NRG4: variants seen among roughly 807,000 people sequenced by gnomAD.
NRG4 encodes pro-neuregulin-4, membrane-bound isoform.
In NRG4, 10 loss-of-function variants were observed where a neutral mutation model predicts 15.0. The ratio of observed to expected loss-of-function variants is 0.67; its 90% CI spans 0.41 to 1.13. NRG4 has a LOEUF of 1.13. Among genes scored for constraint, NRG4 ranks in the 50% most tolerant of loss-of-function variants. The probability of loss-of-function intolerance (pLI) is 0.00; values close to 1 mark genes in which losing one functional copy is unlikely to be tolerated. For synonymous variants in NRG4, 41 were observed against 50.1 expected (o/e 0.82, Z 0.77); for missense variants, 139 against 140.2 (o/e 0.99, Z 0.04).
chr15:75,983,323 TC>T (rs1473206962), intron 3 of NRG4, among the ~76,000 whole-genome samples: 8 of 152,152 alleles, frequency 5.3e-5, no homozygotes, highest in African/African-American at 1.9e-4. Flanking sequence ...ATAAAAACCC[TC>T]AATAAAATAG....
intron 3 of NRG4, among the ~76,000 whole-genome samples, chr15:75,974,189 T>C (rs2033251143): frequency 6.6e-6 from 1 of 152,244 alleles, no homozygotes; most frequent in South Asian, 2.1e-4. Flanking sequence ...TGTTAGTTTG[T>C]ATTTCTGTGG....
intron 3 of NRG4, among the ~76,000 whole-genome samples, chr15:75,966,523 G>GA (rs1293751063): frequency 6.6e-6 from 1 of 152,118 alleles, no homozygotes; most frequent in Non-Finnish European, 1.5e-5. Flanking sequence ...ATTATAACTA[G>GA]AAAAGGTTAA....
At chr15:75,983,190 C>T (rs1369372571) in intron 3 of NRG4, among the ~76,000 whole-genome samples, 2 of 151,732 alleles carry the variant, frequency 1.3e-5, no homozygotes, top group Admixed American at 6.6e-5. Flanking sequence ...AGAATCAAGC[C>T]GCTAATATAA....
chr15:76,047,263 C>T (rs1333629626), intron 4 of NRG4, among the ~76,000 whole-genome samples: 1 of 150,742 alleles, frequency 6.6e-6, no homozygotes, highest in African/African-American at 2.5e-5. Context: ...CCAGCAATTC[C>T]ACTATGGAGT....
chr15:75,943,388 A>T lies in NRG4; in HGVS notation c.*250T>A. The T allele has an allele frequency of 2.2e-6, 1 of 453,214 alleles. No individual in the cohort carries two copies. Among genetic ancestry groups the T allele is most frequent in the Non-Finnish European group, 3.9e-6 (1 of 257,104 alleles). The allele number at this position is 453,214 out of a possible 1,614,324, so 28.1% of individuals were successfully genotyped here. ...TTCAGCACATCAGCTTTCTGGGGAG[A>T]GTCATGTTGAACCAATGTGACTTCG... On this transcript the variant is annotated 3_prime_UTR_variant, in exon 6 of 6. Coordinates refer to ENST00000394907, the MANE Select transcript of NRG4 (RefSeq NM_138573.4).
At chr15:75,958,504 AT>A (rs1199998191) in intron 4 of NRG4, among the ~76,000 whole-genome samples, 2 of 152,176 alleles carry the variant, frequency 1.3e-5, no homozygotes. Context: ...AAGGTAAAGG[AT>A]AAAAGTAGGC....
downstream of NRG4, chr15:75,935,591 T>A (rs1005024946): frequency 1.3e-5 from 2 of 149,954 alleles, no homozygotes; most frequent in African/African-American, 4.9e-5. Flanking sequence ...TAGAAATAGA[T>A]CCACCCTTGC....
intron 5 of NRG4, among the ~76,000 whole-genome samples, chr15:76,025,180 C>T (rs542403023): frequency 6.6e-6 from 1 of 152,018 alleles, no homozygotes; most frequent in South Asian, 2.1e-4. Context: ...TGGCTCACAC[C>T]TGTAATCCCA....
intron 4 of NRG4, among the ~76,000 whole-genome samples, chr15:76,038,611 A>T (rs905583697): frequency 1.3e-5 from 2 of 152,202 alleles, no homozygotes; most frequent in African/African-American, 4.8e-5. Flanking sequence ...CACCAGGAAG[A>T]CTTCTAAGGT....
intron 3 of NRG4, among the ~76,000 whole-genome samples, chr15:75,967,063 G>C (rs1363668058): frequency 6.9e-6 from 1 of 144,912 alleles, no homozygotes; most frequent in African/African-American, 2.6e-5. Flanking sequence ...GCAGTGAGCT[G>C]AGATCGCGCC....
intron 3 of NRG4, among the ~76,000 whole-genome samples, chr15:76,052,355 T>C: frequency 6.6e-6 from 1 of 151,094 alleles, no homozygotes; most frequent in East Asian, 1.9e-4. Flanking sequence ...GTTTAATTTT[T>C]CCCCCTTTCA....
chr15:76,003,344 G>A (rs1417847183), intron 3 of NRG4, among the ~76,000 whole-genome samples: 2 of 151,930 alleles, frequency 1.3e-5, no homozygotes, highest in African/African-American at 2.4e-5. Context: ...ATTTTAAAAC[G>A]TTATGTTAAA....
intron 4 of NRG4, among the ~76,000 whole-genome samples, chr15:76,041,501 T>C (rs2035736066): frequency 6.6e-6 from 1 of 152,066 alleles, no homozygotes; most frequent in Non-Finnish European, 1.5e-5. Context: ...AGATATTTCA[T>C]ACCAACAGAA....
intron 4 of NRG4, among the ~76,000 whole-genome samples, chr15:75,958,113 C>T (rs1384729776): frequency 2.6e-5 from 4 of 151,956 alleles, no homozygotes; most frequent in Non-Finnish European, 4.4e-5. Context: ...CCCAGGTTCA[C>T]GCCATTCTCC....
At chr15:75,937,197 T>C (rs1182380108), downstream of NRG4, 1 of 151,468 alleles carries the variant, frequency 6.6e-6, no homozygotes, top group African/African-American at 2.4e-5. Flanking sequence ...AAGCTTTTGT[T>C]TGCCTATCAA....
intron 4 of NRG4, among the ~76,000 whole-genome samples, chr15:76,041,141 T>A (rs749417776): frequency 6.6e-6 from 1 of 151,442 alleles, no homozygotes; most frequent in African/African-American, 2.4e-5. Flanking sequence ...TATGGTAATC[T>A]CAAATCAAAA....
chr15:76,025,371 G>A (rs1347225060), intron 5 of NRG4, among the ~76,000 whole-genome samples: 3 of 152,046 alleles, frequency 2.0e-5, no homozygotes, highest in African/African-American at 7.2e-5. Flanking sequence ...CCCGGCAGGC[G>A]GAGCTTGCAA....
At chr15:76,054,696 A>G (rs887363122) in intron 2 of NRG4, among the ~76,000 whole-genome samples, 2 of 152,220 alleles carry the variant, frequency 1.3e-5, no homozygotes, top group Non-Finnish European at 2.9e-5. Context: ...ATGTGATAAA[A>G]TTATTTTTCA....
intron 4 of NRG4, among the ~76,000 whole-genome samples, chr15:76,038,764 A>G (rs1005940297): frequency 5.9e-5 from 9 of 152,050 alleles, no homozygotes; most frequent in East Asian, 1.9e-4. Flanking sequence ...TTGAATGAAC[A>G]TAAGTGGCAG....
Sources: allele counts gnomAD v4.1 joint callset (sites outside exome capture counted in the v4.1 genomes callset), GRCh38; gene constraint gnomAD v4.1.1; transcripts MANE v1.5; gene names NCBI Gene and HGNC (gene_info 2026-07-23, HGNC 2026-07-21).